DCDC1: variants seen among roughly 807,000 people sequenced by gnomAD.
The protein encoded by DCDC1 is doublecortin domain-containing protein 1.
In DCDC1, 200 loss-of-function variants were observed where a neutral mutation model predicts 178.3. The ratio of observed to expected loss-of-function variants is 1.12; its 90% CI spans 1.00 to 1.26. The LOEUF is 1.26. Ranked by LOEUF, DCDC1 falls within the 50% of genes most tolerant of loss-of-function variation. The pLI, the probability that DCDC1 is intolerant of heterozygous loss-of-function variation, is 0.00. For missense variants in DCDC1, 1,983 were observed against 1,749.2 expected, an observed-to-expected ratio of 1.13 and a Z score of -2.38; for synonymous variants, 690 against 604.8, an observed-to-expected ratio of 1.14 and a Z score of -2.07.
At chr11:31,186,943 G>T (rs1046919657) in intron 9 of DCDC1, among the ~76,000 whole-genome samples, 1 of 151,972 alleles carries the variant, frequency 6.6e-6, no homozygotes, top group Non-Finnish European at 1.5e-5. Context: ...CCTCACTCTT[G>T]CTTCCCTGTT....
At chr11:31,169,675 T>C (rs1966972060) in intron 9 of DCDC1, among the ~76,000 whole-genome samples, 1 of 152,202 alleles carries the variant, frequency 6.6e-6, no homozygotes, top group South Asian at 2.1e-4. Context: ...GACACTGTAC[T>C]AGATGCTGAG....
intron 9 of DCDC1, among the ~76,000 whole-genome samples, chr11:31,223,810 T>C (rs1219283797): frequency 6.6e-6 from 1 of 152,080 alleles, no homozygotes; most frequent in African/African-American, 2.4e-5. Context: ...ATATGTAATA[T>C]ATACATATAA....
At chr11:31,110,186 A>G (rs1959112979) in intron 12 of DCDC1, 74 bp downstream of exon 12, 1 of 642,384 alleles carries the variant, frequency 1.6e-6, no homozygotes, top group Admixed American at 2.4e-5. Flanking sequence ...CAACTTTAAG[A>G]TGTAATTGTC....
At chr11:30,928,350 C>T (rs936034089) in intron 22 of DCDC1, among the ~76,000 whole-genome samples, 4 of 150,802 alleles carry the variant, frequency 2.7e-5, no homozygotes, top group African/African-American at 9.8e-5. Flanking sequence ...TTTTTACTTT[C>T]TAAATTAACC....
At chr11:31,008,180 G>A (rs2135092095) in intron 20 of DCDC1, among the ~76,000 whole-genome samples, 1 of 152,300 alleles carries the variant, frequency 6.6e-6, no homozygotes, top group East Asian at 1.9e-4. Context: ...AGGGAGGGGG[G>A]ATTATGTGGA....
At chr11:31,083,489 GC>G (rs1957306161) in intron 17 of DCDC1, among the ~76,000 whole-genome samples, 2 of 152,192 alleles carry the variant, frequency 1.3e-5, no homozygotes, top group Non-Finnish European at 2.9e-5. Context: ...CATGAGGGCT[GC>G]CAAAGGGAAC....
rs1956165563 is a variant in DCDC1, at chr11:31,064,976, T to G, written c.2433+43A>C. ...ATTTTTTCTTTTTTCAAAATATATT[T>G]TAGAGAGCTATTTCTGTCTTGCCTC... On this transcript the variant is annotated intron_variant, in intron 19 of 38. Transcript: ENST00000684477. The G allele has an allele frequency of 4.3e-6, 3 of 690,464 alleles. No individual in the cohort carries two copies. The East Asian group carries it at 7.4e-5, about 17-fold the overall frequency. The allele number at this position is 690,464 out of a possible 1,614,324, so 42.8% of individuals were successfully genotyped here.
intron 23 of DCDC1, among the ~76,000 whole-genome samples, chr11:30,923,683 C>T (rs1946409356): frequency 1.3e-5 from 2 of 151,462 alleles, no homozygotes; most frequent in Non-Finnish European, 2.9e-5. Context: ...CAGTGGCATG[C>T]TTTCGGCTCA....
chr11:31,288,493 T>C (rs911058691), intron 7 of DCDC1, among the ~76,000 whole-genome samples: 1 of 151,920 alleles, frequency 6.6e-6, no homozygotes, highest in Non-Finnish European at 1.5e-5. Context: ...GTTCTACTTA[T>C]AATTAAAATA....
At chr11:31,111,254 T>C (rs899850018) in intron 11 of DCDC1, among the ~76,000 whole-genome samples, 4 of 152,052 alleles carry the variant, frequency 2.6e-5, no homozygotes, top group African/African-American at 9.7e-5. Flanking sequence ...CTAGTGCTAT[T>C]TCCAGAGAAG....
intron 20 of DCDC1, among the ~76,000 whole-genome samples, chr11:31,053,361 C>G (rs1955385180): frequency 6.6e-6 from 1 of 152,008 alleles, no homozygotes; most frequent in African/African-American, 2.4e-5. Flanking sequence ...CAAAAAAAGT[C>G]CAGCACCAGA....
At chr11:31,072,100 T>G (rs520160) in intron 18 of DCDC1, among the ~76,000 whole-genome samples, 74,638 of 152,072 alleles carry the variant, frequency 0.49, 18,612 homozygotes, top group African/African-American at 0.57. Flanking sequence ...TAGTTTTCTT[T>G]TATCTTTATC....
intron 8 of DCDC1, among the ~76,000 whole-genome samples, chr11:31,242,734 T>G (rs1376262430): frequency 6.6e-6 from 1 of 151,908 alleles, no homozygotes; most frequent in Admixed American, 6.6e-5. Context: ...GAATTACAAT[T>G]AGGTTCAGCT....
At chr11:31,011,486 T>C (rs1309577792) in intron 20 of DCDC1, among the ~76,000 whole-genome samples, 1 of 152,114 alleles carries the variant, frequency 6.6e-6, no homozygotes, top group Non-Finnish European at 1.5e-5. Context: ...AAGGAAGCCA[T>C]CATGACCAAT....
chr11:31,250,523 C>T (rs1943950070), intron 8 of DCDC1, among the ~76,000 whole-genome samples: 2 of 148,636 alleles, frequency 1.3e-5, no homozygotes, highest in African/African-American at 5.0e-5. Flanking sequence ...CACCCTAAAC[C>T]CCTTAAAGAA....
chr11:31,280,615 A>C (rs1294085587), intron 7 of DCDC1: 1 of 416,780 alleles, frequency 2.4e-6, no homozygotes, highest in East Asian at 5.2e-5. Flanking sequence ...TGGTATACAT[A>C]AAAAAGTCAT....
At chr11:31,277,988 G>A (rs1159214346) in intron 7 of DCDC1, among the ~76,000 whole-genome samples, 1 of 151,990 alleles carries the variant, frequency 6.6e-6, no homozygotes, top group Non-Finnish European at 1.5e-5. Flanking sequence ...AGGTTAAAAA[G>A]ATTTTCTCCC....
At chr11:31,132,339 A>C (rs1269916640) in intron 10 of DCDC1, among the ~76,000 whole-genome samples, 3 of 152,208 alleles carry the variant, frequency 2.0e-5, no homozygotes, top group Non-Finnish European at 4.4e-5. Flanking sequence ...TTATGATAAC[A>C]TGTCATCCTA....
chr11:31,302,254 A>G (rs186691826), intron 6 of DCDC1, among the ~76,000 whole-genome samples: 2 of 152,278 alleles, frequency 1.3e-5, no homozygotes, highest in East Asian at 3.9e-4. Context: ...TTACTTACAT[A>G]CAGCTCCTAG....
Sources: allele counts gnomAD v4.1 joint callset (sites outside exome capture counted in the v4.1 genomes callset), GRCh38; gene constraint gnomAD v4.1.1; transcripts MANE v1.5; gene names NCBI Gene and HGNC (gene_info 2026-07-23, HGNC 2026-07-21).